PTPRM: variants seen among roughly 807,000 people sequenced by gnomAD.
The protein encoded by PTPRM is receptor-type tyrosine-protein phosphatase mu.
Under a neutral mutation model 186.7 loss-of-function variants are expected in PTPRM, and 47 were observed. That is an observed-to-expected ratio of 0.25 (90% CI 0.20 to 0.32). PTPRM has a LOEUF of 0.32. PTPRM is among the 10% of genes least tolerant of loss of function. The pLI is 1.00. For missense variants in PTPRM, 1,494 were observed against 1,865.0 expected, an observed-to-expected ratio of 0.80 and a Z score of 3.66; for synonymous variants, 668 against 674.9, an observed-to-expected ratio of 0.99 and a Z score of 0.16.
At chr18:7,966,859 G>A (rs1449304960) in intron 7 of PTPRM, among the ~76,000 whole-genome samples, 1 of 128,122 alleles carries the variant, frequency 7.8e-6, no homozygotes, top group Admixed American at 8.0e-5. Flanking sequence ...CAAACCGCAA[G>A]GCGGCAGCGA....
intron 31 of PTPRM, among the ~76,000 whole-genome samples, chr18:8,387,513 A>C (rs1033184926): frequency 6.6e-6 from 1 of 151,718 alleles, no homozygotes; most frequent in Non-Finnish European, 1.5e-5. Flanking sequence ...GGAAAAAAAA[A>C]AAAACACTGG....
intron 1 of PTPRM, among the ~76,000 whole-genome samples, chr18:7,713,588 G>A (rs1365073085): frequency 6.6e-6 from 1 of 151,640 alleles, no homozygotes; most frequent in Non-Finnish European, 1.5e-5. Flanking sequence ...ATTGGATAAA[G>A]AGTCAAGACC....
intron 7 of PTPRM, among the ~76,000 whole-genome samples, chr18:7,978,985 G>T (rs1198580734): frequency 3.9e-5 from 6 of 152,090 alleles, no homozygotes; most frequent in Non-Finnish European, 7.3e-5. Flanking sequence ...TATTTTCACT[G>T]AGCCATAGGC....
At chr18:7,968,284 C>G (rs974367009) in intron 7 of PTPRM, among the ~76,000 whole-genome samples, 1 of 133,752 alleles carries the variant, frequency 7.5e-6, no homozygotes. Context: ...CCAGGCCTGC[C>G]CTAAAAGAGC....
At chr18:8,255,936 G>T (rs916210999) in intron 19 of PTPRM, among the ~76,000 whole-genome samples, 5 of 152,164 alleles carry the variant, frequency 3.3e-5, no homozygotes, top group Non-Finnish European at 5.9e-5. Flanking sequence ...CTTGATGGAG[G>T]CACAGCCAGG....
chr18:7,657,148 A>G lies in PTPRM; in HGVS notation c.73+89257A>G, dbSNP rs567384742. ...CTTCCTTTAAAAGATGTTTCCAGTC[A>G]CCATACTTACCCTCTGAGTTTAGAT... On this transcript the variant is annotated intron_variant, in intron 1 of 32. Transcript: ENST00000580170. 5.3e-5 allele frequency among the ~76,000 whole-genome samples: 8 copies of G among 152,148 alleles called. No homozygotes were observed. In the South Asian group the frequency reaches 1.4e-3, roughly 28 times the overall value.
intron 1 of PTPRM, among the ~76,000 whole-genome samples, chr18:7,578,586 T>C (rs368077524): frequency 2.1e-4 from 32 of 151,944 alleles, no homozygotes; most frequent in Admixed American, 5.9e-4. Context: ...CCGCCCACCT[T>C]GGCCTCCCAA....
chr18:8,336,942 A>G (rs1330434820), intron 22 of PTPRM, among the ~76,000 whole-genome samples: 2 of 152,138 alleles, frequency 1.3e-5, no homozygotes, highest in Non-Finnish European at 2.9e-5. Context: ...ACGCCACTGC[A>G]CTCCAGCCTG....
intron 1 of PTPRM, among the ~76,000 whole-genome samples, chr18:7,677,701 C>A (rs1266047007): frequency 1.3e-5 from 2 of 152,102 alleles, no homozygotes; most frequent in Non-Finnish European, 2.9e-5. Flanking sequence ...GCATCACGCT[C>A]CCCCTCTGGA....
intron 23 of PTPRM, among the ~76,000 whole-genome samples, chr18:8,344,423 T>G (rs976908639): frequency 2.2e-4 from 8 of 36,930 alleles, no homozygotes; most frequent in African/African-American, 6.1e-4. Context: ...AAGTAGGAGA[T>G]ATATATATGT....
At chr18:7,628,297 A>C (rs549875601) in intron 1 of PTPRM, among the ~76,000 whole-genome samples, 9 of 152,358 alleles carry the variant, frequency 5.9e-5, no homozygotes, top group African/African-American at 1.9e-4. Flanking sequence ...GCAGTAAAAT[A>C]ATCCAGAAAC....
At chr18:8,063,431 T>C (rs1031783976) in intron 7 of PTPRM, among the ~76,000 whole-genome samples, 2 of 152,176 alleles carry the variant, frequency 1.3e-5, no homozygotes, top group African/African-American at 2.4e-5. Context: ...CGCTGGGAGC[T>C]GTAGACCGGA....
rs867741188 is a variant in PTPRM, at chr18:7,960,474, T to C, written c.1132+5060T>C. Among the ~76,000 whole-genome samples, 811 of 111,234 alleles carry C rather than the reference T, an allele frequency of 7.3e-3. 14 individuals are homozygous for C. Among genetic ancestry groups the C allele is most frequent in the African/African-American group, 0.03 (741 of 25,116 alleles). The allele number at this position is 111,234 out of a possible 152,430, so 73.0% of individuals were successfully genotyped here. A position where few individuals can be genotyped will look rare whatever the true frequency, so the allele number is the denominator to read the frequency against. On this transcript the variant is annotated intron_variant, in intron 7 of 32. Coordinates refer to ENST00000580170, the MANE Select transcript of PTPRM (RefSeq NM_001105244.2). The stretch of plus-strand genomic sequence containing the variant: ...ACATATATATATATATATATATATA[T>C]ATATATACACACACACACACACACA...
intron 1 of PTPRM, among the ~76,000 whole-genome samples, chr18:7,772,377 TTCTTTCTTTC>T (rs1332077563): frequency 1.2e-4 from 16 of 136,884 alleles, no homozygotes; most frequent in Middle Eastern, 3.6e-3. Flanking sequence ...CTTTCTTTCT[TTCTTTCTTTC>T]TTTCTTTCTT....
chr18:7,926,170 T>C (rs1399926283), intron 4 of PTPRM, among the ~76,000 whole-genome samples: 1 of 152,228 alleles, frequency 6.6e-6, no homozygotes, highest in African/African-American at 2.4e-5. Context: ...TTTAACTTCT[T>C]ACTGTTCTTT....
At chr18:8,265,780 A>G (rs1415908883) in intron 19 of PTPRM, among the ~76,000 whole-genome samples, 3 of 152,204 alleles carry the variant, frequency 2.0e-5, no homozygotes, top group Non-Finnish European at 4.4e-5. Context: ...CATTGAGGAA[A>G]TCACGGAACT....
chr18:8,150,348 TA>T (rs2092976751), intron 14 of PTPRM, among the ~76,000 whole-genome samples: 1 of 152,212 alleles, frequency 6.6e-6, no homozygotes, highest in Admixed American at 6.5e-5. Flanking sequence ...AGTTCCTTTT[TA>T]TTCTTTTTTT....
chr18:8,156,332 A>T (rs550562767), intron 14 of PTPRM, among the ~76,000 whole-genome samples: 1 of 152,222 alleles, frequency 6.6e-6, no homozygotes. Context: ...TCAGAGAATG[A>T]TAAGAGTCAT....
chr18:8,358,920 G>A (rs1345221344), intron 23 of PTPRM, among the ~76,000 whole-genome samples: 1 of 152,142 alleles, frequency 6.6e-6, no homozygotes, highest in Non-Finnish European at 1.5e-5. Context: ...CTTCTACATT[G>A]GAAGAAGAGA....
Sources: gnomAD v4.1 joint callset for allele counts (sites outside exome capture counted in the v4.1 genomes callset) on GRCh38, gnomAD v4.1.1 for gene constraint, MANE v1.5 for transcripts, NCBI Gene and HGNC (gene_info 2026-07-23, HGNC 2026-07-21) for gene names.